GXYLT1: variants seen among roughly 807,000 people sequenced by gnomAD.
The protein encoded by GXYLT1 is glucoside xylosyltransferase 1.
Under a neutral mutation model 54.0 loss-of-function variants are expected in GXYLT1, and 29 were observed. The observed-to-expected ratio is 0.54, with a 90% CI of 0.40 to 0.73. The LOEUF (loss-of-function observed/expected upper bound fraction) is 0.73. GXYLT1 is among the 30% of genes least tolerant of loss of function. The pLI, the probability that GXYLT1 is intolerant of heterozygous loss-of-function variation, is 0.00. For synonymous variants in GXYLT1, 176 were observed against 204.1 expected, an observed-to-expected ratio of 0.86 and a Z score of 1.17; for missense variants, 490 against 553.4, an observed-to-expected ratio of 0.89 and a Z score of 1.15.
chr12:42,105,930 G>C lies in GXYLT1; in HGVS notation c.752C>G (p.Pro251Arg), dbSNP rs1001448024. The stretch of plus-strand genomic sequence containing the variant: ...AAAGCGATTATACCATCCTATTCGA[G>C]GTTCCTCATGTTCTGGTGCCATTGC... ...IAAMAPEHEE[P>R]RIGWYNRFAR... is the part of the protein sequence containing the mutation. The change falls in exon 5 of 8, where the codon CCT (proline) becomes CGT (arginine). Residue 251 changes from proline (P) to arginine (R), a missense_variant. By Grantham distance (103) the Pro-to-Arg change is moderately radical. Coordinates refer to ENST00000398675, the MANE Select transcript of GXYLT1 (RefSeq NM_173601.2). The C allele has an allele frequency of 1.2e-5, 19 of 1,614,040 alleles. No homozygotes were observed. The highest frequency in any genetic ancestry group is 1.6e-5 in the Non-Finnish European group (19 of 1,179,950).
Position 42,106,743 on chromosome 12 carries a change from CTTTTTT to C in GXYLT1, c.613-680_613-675del, listed in dbSNP as rs1231770611. On this transcript the variant is annotated intron_variant, in intron 4 of 7. Transcript: ENST00000398675. The stretch of plus-strand genomic sequence containing the variant: ...TTTAAGGATAATTATTATTATTTTT[CTTTTTT>C]TTTTTTTTTTTTTTGAGACAGAGTC... Among the ~76,000 whole-genome samples, 3 of 127,648 alleles carry C rather than the reference CTTTTTT, an allele frequency of 2.4e-5. 1 individual carries two copies. The highest frequency in any genetic ancestry group is 8.9e-5 in the African/African-American group (3 of 33,778). 83.7% of individuals were successfully genotyped at this position (127,648 alleles called of 152,430 possible). A position where few individuals can be genotyped will look rare whatever the true frequency, so the allele number is the denominator to read the frequency against.
chr12:42,102,900 T>G (rs1209526931), intron 5 of GXYLT1, among the ~76,000 whole-genome samples: 4 of 151,932 alleles, frequency 2.6e-5, no homozygotes, highest in African/African-American at 7.2e-5. Context: ...ATATTTAATT[T>G]AATTTAATAA....
chr12:42,129,917 TACTC>T, intron 1 of GXYLT1, 66 bp from the exon 2 acceptor site: 1 of 945,874 alleles, frequency 1.1e-6, no homozygotes, highest in East Asian at 2.4e-5. Flanking sequence ...ACAAGGAATT[TACTC>T]AGTAACACGA....
intron 5 of GXYLT1, among the ~76,000 whole-genome samples, chr12:42,102,224 C>T (rs2065394447): frequency 6.6e-6 from 1 of 152,134 alleles, no homozygotes; most frequent in Non-Finnish European, 1.5e-5. Flanking sequence ...TCACATTATG[C>T]TCCAACAAAA....
chr12:42,138,186 GA>G (rs1398282632), intron 1 of GXYLT1, among the ~76,000 whole-genome samples: 2 of 152,196 alleles, frequency 1.3e-5, no homozygotes, highest in African/African-American at 2.4e-5. Context: ...AGAATCGCTT[GA>G]ACCCAGAAGG....
At chr12:42,104,149 T>C (rs2065405518) in intron 5 of GXYLT1, among the ~76,000 whole-genome samples, 1 of 152,176 alleles carries the variant, frequency 6.6e-6, no homozygotes, top group Admixed American at 6.5e-5. Flanking sequence ...ACTATATAGC[T>C]ATTTTTAAGT....
chr12:42,116,080 T>C (rs1362655805), intron 3 of GXYLT1, among the ~76,000 whole-genome samples: 2 of 151,982 alleles, frequency 1.3e-5, no homozygotes, highest in Non-Finnish European at 2.9e-5. Flanking sequence ...TAGCCATACG[T>C]AGAAAGCTGA....
chr12:42,114,549 C>A (rs573303875), intron 3 of GXYLT1, among the ~76,000 whole-genome samples: 6 of 152,150 alleles, frequency 3.9e-5, no homozygotes, highest in Admixed American at 1.3e-4. Context: ...ATAAATTCCT[C>A]GACACATACA....
intron 2 of GXYLT1, among the ~76,000 whole-genome samples, chr12:42,125,328 C>T (rs1251651219): frequency 6.6e-6 from 1 of 152,146 alleles, no homozygotes; most frequent in African/African-American, 2.4e-5. Flanking sequence ...GTCTCTGAGG[C>T]ATTTGAATCA....
At chr12:42,114,625 GA>G (rs1362383575) in intron 3 of GXYLT1, among the ~76,000 whole-genome samples, 1 of 152,126 alleles carries the variant, frequency 6.6e-6, no homozygotes, top group Non-Finnish European at 1.5e-5. Context: ...CTCTGAAATT[GA>G]GGCAATAATC....
rs752223394 is a variant in GXYLT1, at chr12:42,138,494, G to T, written c.221+5932C>A. On this transcript the variant is annotated intron_variant, in intron 1 of 7. Transcript: ENST00000398675. ...ATCACACAATATACCTCCTCTACCA[G>T]CCCCCAGCTCCCCCACAAAGCTGGA... Among the ~76,000 whole-genome samples, 107 of 151,680 alleles carry T rather than the reference G, an allele frequency of 7.1e-4. 1 individual carries two copies. The highest frequency in any genetic ancestry group is 3.4e-3 in the Middle Eastern group (1 of 294).
chr12:42,113,197 T>G (rs575506607), intron 3 of GXYLT1, among the ~76,000 whole-genome samples: 1 of 150,954 alleles, frequency 6.6e-6, no homozygotes, highest in South Asian at 2.1e-4. Context: ...GTAAAGACCA[T>G]CAAAGCTAGG....
intron 1 of GXYLT1, among the ~76,000 whole-genome samples, chr12:42,135,615 T>C (rs557929462): frequency 3.3e-5 from 5 of 152,350 alleles, no homozygotes; most frequent in Middle Eastern, 3.4e-3. Flanking sequence ...CAATGGACTA[T>C]TATTTGTCCA....
intron 2 of GXYLT1, among the ~76,000 whole-genome samples, chr12:42,119,413 GAAGA>G (rs2065517259): frequency 2.7e-5 from 4 of 150,028 alleles, no homozygotes; most frequent in Admixed American, 2.7e-4. Flanking sequence ...GAAAGACAGA[GAAGA>G]AAGAAAGGAC....
Position 42,144,513 on chromosome 12 carries a change from AC to A in GXYLT1, c.133del (p.Val45TrpfsTer13). 7.0e-7 allele frequency: 1 copy of A among 1,420,336 alleles called. No individual in the cohort carries two copies. The allele number at this position is 1,420,336 out of a possible 1,614,324, so 88.0% of individuals were successfully genotyped here. The part of the protein sequence containing the change: ...GGGGGKPQAA[V>X]ASWLAGGGRG... The stretch of plus-strand genomic sequence containing the variant: ...TCCGCCGCCCGCGAGCCAGGAAGCC[AC>A]CGCGGCCTGCGGCTTCCCGCCACCG... On this transcript the variant is annotated frameshift_variant, in exon 1 of 8. Transcript: ENST00000398675. LOFTEE classifies it high-confidence loss of function.
intron 3 of GXYLT1, among the ~76,000 whole-genome samples, chr12:42,116,329 C>T (rs999025042): frequency 6.6e-6 from 1 of 152,310 alleles, no homozygotes; most frequent in African/African-American, 2.4e-5. Flanking sequence ...AAACTACCAT[C>T]AGAGTGAACC....
intron 3 of GXYLT1, among the ~76,000 whole-genome samples, chr12:42,115,488 AGAC>A (rs2065488314): frequency 6.6e-6 from 1 of 152,206 alleles, no homozygotes; most frequent in Non-Finnish European, 1.5e-5. Flanking sequence ...CAGCAATAAC[AGAC>A]AACTAGAGAG....
chr12:42,123,098 G>A (rs543903164), intron 2 of GXYLT1, among the ~76,000 whole-genome samples: 3 of 152,216 alleles, frequency 2.0e-5, no homozygotes, highest in African/African-American at 7.2e-5. Context: ...AAAAAGGCTG[G>A]GGAACAGTTC....
chr12:42,098,413 C>T (rs1484462947), intron 5 of GXYLT1, among the ~76,000 whole-genome samples: 1 of 150,580 alleles, frequency 6.6e-6, no homozygotes, highest in Non-Finnish European at 1.5e-5. Flanking sequence ...GGTAAATATT[C>T]AGTGTTAGCT....
Sources: allele counts gnomAD v4.1 joint callset (sites outside exome capture counted in the v4.1 genomes callset), GRCh38; gene constraint gnomAD v4.1.1; transcripts MANE v1.5; gene names NCBI Gene and HGNC (gene_info 2026-07-23, HGNC 2026-07-21).